Variants in VKORC1L1 observed in about 807,000 individuals in gnomAD.
The protein encoded by VKORC1L1 is vitamin K epoxide reductase complex subunit 1-like protein 1.
A neutral mutation model predicts 18.9 loss-of-function variants in VKORC1L1; 2 were observed. The observed-to-expected ratio is 0.11, with a 90% CI of 0.04 to 0.33. The LOEUF is 0.33. Among genes scored for constraint, VKORC1L1 ranks in the 10% least tolerant of loss-of-function variants. The pLI, the probability that VKORC1L1 is intolerant of heterozygous loss-of-function variation, is 1.00. For synonymous variants in VKORC1L1, 96 were observed against 100.0 expected, an observed-to-expected ratio of 0.96 and a Z score of 0.24; for missense variants, 123 against 224.1, an observed-to-expected ratio of 0.55 and a Z score of 2.88.
rs536938993 is a variant in VKORC1L1 at position 65,879,124 on chromosome 7, T to C, written c.194+5559T>C. ...TTCCTCCCTTTTTTTAACATGGAAG[T>C]ATCACGTATGCATCCTTATTGATAG... On this transcript the variant is annotated intron_variant, in intron 1 of 2. Coordinates refer to ENST00000360768, the MANE Select transcript of VKORC1L1 (RefSeq NM_173517.6). Among the ~76,000 whole-genome samples, 41 of 152,230 alleles carry C rather than the reference T, an allele frequency of 2.7e-4. No individual in the cohort carries two copies. The South Asian group carries it at 8.3e-3, about 31-fold the overall frequency.
At chr7:65,895,514 T>TACACACACAC (rs1236686939) in intron 1 of VKORC1L1, among the ~76,000 whole-genome samples, 1 of 77,470 alleles carries the variant, frequency 1.3e-5, no homozygotes, top group Non-Finnish European at 2.6e-5. Context: ...TATATATATA[T>TACACACACAC]ATACACACAC....
At chr7:65,935,304 G>A (rs1044188671) in intron 1 of VKORC1L1, among the ~76,000 whole-genome samples, 25 of 151,626 alleles carry the variant, frequency 1.6e-4, no homozygotes, top group African/African-American at 5.3e-4. Context: ...TAAAGATTTC[G>A]GCCTCCATGG....
chr7:65,879,725 T>TTTTCTTTCTTTTTCCTTCCTTCCTTCC (rs1788894752), intron 1 of VKORC1L1, among the ~76,000 whole-genome samples: 2 of 151,852 alleles, frequency 1.3e-5, no homozygotes, highest in Admixed American at 1.3e-4. Context: ...TCCTTCCTTC[T>TTTTCTTTCTTTTTCCTTCCTTCCTTCC]TTTCTTTCTT....
chr7:65,943,237 A>C (rs1276436652), intron 1 of VKORC1L1, among the ~76,000 whole-genome samples: 1 of 152,132 alleles, frequency 6.6e-6, no homozygotes, highest in East Asian at 1.9e-4. Flanking sequence ...TCTCTACAAA[A>C]AAAAATGTTT....
At chr7:65,949,405 G>A (rs1790176370) in intron 2 of VKORC1L1, among the ~76,000 whole-genome samples, 1 of 151,952 alleles carries the variant, frequency 6.6e-6, no homozygotes, top group Non-Finnish European at 1.5e-5. Flanking sequence ...CTTGAACCCG[G>A]GAGACGGAGG....
chr7:65,901,151 A>T (rs879730537), intron 1 of VKORC1L1, among the ~76,000 whole-genome samples: 3 of 152,170 alleles, frequency 2.0e-5, no homozygotes, highest in Non-Finnish European at 4.4e-5. Context: ...AGGAGGAAAA[A>T]TTTTGTTCGG....
At chr7:65,912,913 T>C (rs1789523783) in intron 1 of VKORC1L1, among the ~76,000 whole-genome samples, 1 of 152,236 alleles carries the variant, frequency 6.6e-6, no homozygotes, top group Non-Finnish European at 1.5e-5. Flanking sequence ...TGTATGTATT[T>C]CATCATGGAC....
At chr7:65,888,931 T>C (rs1789060540) in intron 1 of VKORC1L1, among the ~76,000 whole-genome samples, 1 of 152,076 alleles carries the variant, frequency 6.6e-6, no homozygotes, top group Non-Finnish European at 1.5e-5. Context: ...AGAGGTGGAG[T>C]AAAAACTGGC....
intron 1 of VKORC1L1, among the ~76,000 whole-genome samples, chr7:65,942,897 T>C (rs997868266): frequency 2.6e-5 from 4 of 152,194 alleles, no homozygotes; most frequent in Non-Finnish European, 5.9e-5. Context: ...TGATCGCCTA[T>C]GACTTGATTT....
In VKORC1L1 at chr7:65,959,474, T is replaced by A. The variant is rs1054552711; in HGVS notation, c.*5174T>A. The A allele has an allele frequency of 5.3e-5, 8 of 152,190 alleles. No homozygotes were observed. The highest frequency in any genetic ancestry group is 1.7e-4 in the African/African-American group (7 of 41,452). 9.4% of individuals were successfully genotyped at this position (152,190 alleles called of 1,614,324 possible). ...ACTAAAGAGAAGTTGATAAAAAAAA[T>A]ACAGAAGCTCTAGATTCCTAATTGG... On this transcript the variant is annotated 3_prime_UTR_variant, in exon 3 of 3. Transcript: ENST00000360768.
At chr7:65,911,285 A>G (rs1205737432) in intron 1 of VKORC1L1, among the ~76,000 whole-genome samples, 1 of 152,250 alleles carries the variant, frequency 6.6e-6, no homozygotes, top group Non-Finnish European at 1.5e-5. Context: ...AACTCATGTT[A>G]AATTACAAAT....
intron 1 of VKORC1L1, among the ~76,000 whole-genome samples, chr7:65,886,638 C>T (rs1328084764): frequency 1.3e-4 from 20 of 150,574 alleles, no homozygotes; most frequent in Admixed American, 1.3e-3. Context: ...CCCGAGTTCA[C>T]GCCGTTCTCC....
At chr7:65,889,584 C>G (rs1789076490) in intron 1 of VKORC1L1, among the ~76,000 whole-genome samples, 2 of 152,122 alleles carry the variant, frequency 1.3e-5, no homozygotes, top group Admixed American at 6.5e-5. Flanking sequence ...GTTGTAATCA[C>G]CAAAGTATAA....
chr7:65,876,035 A>AT (rs1167679200), intron 1 of VKORC1L1, among the ~76,000 whole-genome samples: 1 of 152,178 alleles, frequency 6.6e-6, no homozygotes, highest in Non-Finnish European at 1.5e-5. Context: ...GTCCTCTATT[A>AT]TTTTGGGGAG....
At chr7:65,876,909 G>C (rs1562979108) in intron 1 of VKORC1L1, among the ~76,000 whole-genome samples, 1 of 152,154 alleles carries the variant, frequency 6.6e-6, no homozygotes, top group Non-Finnish European at 1.5e-5. Context: ...AACCGGGCAT[G>C]GTGGCGCATG....
intron 1 of VKORC1L1, among the ~76,000 whole-genome samples, chr7:65,878,821 T>C (rs1358536171): frequency 1.3e-5 from 2 of 152,158 alleles, no homozygotes. Flanking sequence ...GGCAGGAGAA[T>C]CACTTGAACC....
intron 1 of VKORC1L1, among the ~76,000 whole-genome samples, chr7:65,877,509 G>A (rs1788849865): frequency 6.6e-6 from 1 of 151,948 alleles, no homozygotes; most frequent in African/African-American, 2.4e-5. Flanking sequence ...CACCATGCCC[G>A]GCTAATTTTT....
upstream of VKORC1L1, among the ~76,000 whole-genome samples, chr7:65,872,921 C>T (rs1181041071): frequency 2.0e-5 from 3 of 151,832 alleles, no homozygotes; most frequent in Admixed American, 1.3e-4. Context: ...TCCTTTAAGT[C>T]CCTCCCGCAC....
intron 1 of VKORC1L1, among the ~76,000 whole-genome samples, chr7:65,895,516 T>TATATATATATACAC (rs370356956): frequency 5.6e-5 from 4 of 71,592 alleles, no homozygotes; most frequent in Non-Finnish European, 8.0e-5. Context: ...TATATATATA[T>TATATATATATACAC]ACACACACAC....
Sources: allele counts gnomAD v4.1 joint callset (sites outside exome capture counted in the v4.1 genomes callset), GRCh38; gene constraint gnomAD v4.1.1; transcripts MANE v1.5; gene names NCBI Gene and HGNC (gene_info 2026-07-23, HGNC 2026-07-21).